The following CDC27 variants were observed in gnomAD, a reference collection of about 807,000 sequenced individuals.
CDC27 encodes the protein cell division cycle protein 27 homolog.
In CDC27, 27 loss-of-function variants were observed where a neutral mutation model predicts 109.7. The ratio of observed to expected loss-of-function variants is 0.25; its 90% CI spans 0.18 to 0.34. CDC27 has a LOEUF of 0.34. Ranked by LOEUF, CDC27 falls within the 10% of genes least tolerant of loss-of-function variation. CDC27 has a pLI of 1.00. For missense variants in CDC27, 579 were observed against 960.2 expected, an observed-to-expected ratio of 0.60 and a Z score of 5.25; for synonymous variants, 266 against 333.9, an observed-to-expected ratio of 0.80 and a Z score of 2.22.
intron 8 of CDC27, among the ~76,000 whole-genome samples, chr17:47,153,304 C>T (rs1451161238): frequency 2.0e-5 from 3 of 152,188 alleles, no homozygotes; most frequent in Admixed American, 6.5e-5. Flanking sequence ...ATGTGCCTGC[C>T]CACTGTCTTA....
At position 47,137,302 on chromosome 17, in the gene CDC27, T is replaced by G; in HGVS notation, c.1763A>C (p.Lys588Thr). The G allele has an allele frequency of 6.2e-7, 1 of 1,612,190 alleles. No homozygotes were observed. Among genetic ancestry groups the G allele is most frequent in the Non-Finnish European group, 8.5e-7 (1 of 1,179,330 alleles). ...AACTTGGATAGCTCTCTGGAAGAATTTAATTGCAATATCATGTTCCCGTTG... is the reference window on the plus strand; with the variant it reads ...AACTTGGATAGCTCTCTGGAAGAATGTAATTGCAATATCATGTTCCCGTTG... ...SLQREHDIAI[K>T]FFQRAIQVDP... The change falls in exon 14 of 19, where the codon AAA becomes ACA. Residue 588 changes from lysine to threonine, a missense_variant. Physicochemically the swap from Lys to Thr is moderately conservative, Grantham distance 78 (BLOSUM62 -1). Around this residue, in one of 9 missense-constraint regions of CDC27, gnomAD observed 227 missense variants for 363.6 expected, o/e 0.62. Transcript: ENST00000066544.
At chr17:47,184,605 T>A (rs2064360326) in intron 1 of CDC27, among the ~76,000 whole-genome samples, 1 of 152,226 alleles carries the variant, frequency 6.6e-6, no homozygotes, top group Non-Finnish European at 1.5e-5. Flanking sequence ...TATCCATTTC[T>A]GACTTAAAAT....
intron 8 of CDC27, among the ~76,000 whole-genome samples, 155 bp downstream of exon 8, chr17:47,154,517 T>C (rs961507573): frequency 1.3e-5 from 2 of 152,196 alleles, no homozygotes; most frequent in Non-Finnish European, 2.9e-5. Context: ...AATAATGACA[T>C]TCTTTTATAT....
At chr17:47,173,954 C>T (rs917842281) in intron 2 of CDC27, among the ~76,000 whole-genome samples, 1 of 152,314 alleles carries the variant, frequency 6.6e-6, no homozygotes, top group South Asian at 2.1e-4. Flanking sequence ...ATTAGCCAGG[C>T]GCGGTGGCGC....
At chr17:47,149,408 G>C (rs892731081) in intron 9 of CDC27, among the ~76,000 whole-genome samples, 7 of 151,354 alleles carry the variant, frequency 4.6e-5, no homozygotes, top group African/African-American at 1.7e-4. Flanking sequence ...CTACTCGGGA[G>C]GCTGAGGCAG....
chr17:47,153,174 T>C (rs992584367), intron 8 of CDC27, among the ~76,000 whole-genome samples: 8 of 152,264 alleles, frequency 5.3e-5, no homozygotes, highest in African/African-American at 1.9e-4. Flanking sequence ...TTTGATATTT[T>C]CAGTTGACAC....
Position 47,135,968 on chromosome 17 carries a change from G to A in CDC27, c.1913+1184C>T, listed in dbSNP as rs148731873. On this transcript the variant is annotated intron_variant, in intron 14 of 18. Transcript: ENST00000066544. Reference sequence around the variant, plus strand: ...ATCCTGGCTAACATGGTGAAATCCCGTCTCTACTAAAAATACAAAAAAAAT... The same window carrying A: ...ATCCTGGCTAACATGGTGAAATCCCATCTCTACTAAAAATACAAAAAAAAT... Among the ~76,000 whole-genome samples, 791 of 152,008 alleles carry A rather than the reference G, an allele frequency of 5.2e-3. 2 individuals are homozygous for A. Among genetic ancestry groups the A allele is most frequent in the Non-Finnish European group, 7.5e-3 (509 of 67,966 alleles).
intron 4 of CDC27, among the ~76,000 whole-genome samples, chr17:47,164,862 T>A (rs1016833132): frequency 6.6e-6 from 1 of 152,150 alleles, no homozygotes; most frequent in South Asian, 2.1e-4. Context: ...CCACAGAGCT[T>A]ATTTGAATTT....
chr17:47,153,180 G>A (rs1024091378), intron 8 of CDC27, among the ~76,000 whole-genome samples: 1 of 152,176 alleles, frequency 6.6e-6, no homozygotes, highest in Non-Finnish European at 1.5e-5. Context: ...ATTTTCAGTT[G>A]ACACTGCATG....
At chr17:47,144,662 C>G (rs1264233294) in intron 9 of CDC27, among the ~76,000 whole-genome samples, 1 of 152,168 alleles carries the variant, frequency 6.6e-6, no homozygotes, top group African/African-American at 2.4e-5. Context: ...TCTTAGCAAG[C>G]AAACTTAAAA....
intron 1 of CDC27, among the ~76,000 whole-genome samples, chr17:47,187,729 A>G (rs919707219): frequency 6.6e-6 from 1 of 151,994 alleles, no homozygotes; most frequent in Non-Finnish European, 1.5e-5. Flanking sequence ...ATTAACTATT[A>G]AAACAAAATT....
intron 12 of CDC27, among the ~76,000 whole-genome samples, chr17:47,140,645 T>C (rs911980545): frequency 6.6e-6 from 1 of 152,234 alleles, no homozygotes; most frequent in Non-Finnish European, 1.5e-5. Context: ...AATTCATTTA[T>C]GTTAAAGTAG....
intron 4 of CDC27, chr17:47,159,710 G>A (rs2063435343): frequency 4.8e-6 from 2 of 417,902 alleles, no homozygotes; most frequent in Admixed American, 3.4e-5. Context: ...CTCGAACCTG[G>A]TGCCCTGGCT....
At chr17:47,135,364 G>A (rs1048835794) in intron 14 of CDC27, among the ~76,000 whole-genome samples, 5 of 151,906 alleles carry the variant, frequency 3.3e-5, no homozygotes, top group African/African-American at 1.2e-4. Context: ...AATGAATATA[G>A]TGTGGATGGT....
At chr17:47,167,153 A>G (rs1220108878) in intron 4 of CDC27, among the ~76,000 whole-genome samples, 1 of 152,130 alleles carries the variant, frequency 6.6e-6, no homozygotes, top group Non-Finnish European at 1.5e-5. Flanking sequence ...CTGTGCCCAG[A>G]CCCATTAATT....
At chr17:47,149,742 G>A (rs1270046019) in intron 9 of CDC27, among the ~76,000 whole-genome samples, 1 of 151,770 alleles carries the variant, frequency 6.6e-6, no homozygotes, top group African/African-American at 2.4e-5. Flanking sequence ...ATCATTTGAG[G>A]TCAGGAGTTT....
intron 9 of CDC27, among the ~76,000 whole-genome samples, chr17:47,144,620 T>G (rs1434749780): frequency 1.3e-5 from 2 of 152,218 alleles, no homozygotes; most frequent in Non-Finnish European, 2.9e-5. Context: ...ATTTTTACTT[T>G]AAAGGCAAAC....
At chr17:47,128,655 G>T (rs1236805052) in intron 16 of CDC27, among the ~76,000 whole-genome samples, 1 of 152,042 alleles carries the variant, frequency 6.6e-6, no homozygotes, top group African/African-American at 2.4e-5. Context: ...TCAAAAGCAG[G>T]AAAGATGATT....
chr17:47,157,802 T>TTAA (rs11570483), intron 5 of CDC27, among the ~76,000 whole-genome samples: 73 of 152,348 alleles, frequency 4.8e-4, no homozygotes, highest in Non-Finnish European at 8.8e-4. Context: ...TGGTCCTTTA[T>TTAA]GTATCCTAGG....
Sources: gnomAD v4.1 joint callset for allele counts (sites outside exome capture counted in the v4.1 genomes callset) on GRCh38, gnomAD v4.1.1 for gene constraint, gnomAD v4.1.1 regional missense constraint, MANE v1.5 for transcripts, NCBI Gene and HGNC (gene_info 2026-07-23, HGNC 2026-07-21) for gene names.